Variants in GPHN observed in about 807,000 individuals in gnomAD.
The protein encoded by GPHN is gephyrin.
Under a neutral mutation model 95.5 loss-of-function variants are expected in GPHN, and 17 were observed. The observed-to-expected ratio is 0.18, with a 90% CI of 0.12 to 0.27. The LOEUF (loss-of-function observed/expected upper bound fraction) is 0.27, where lower values mean the gene tolerates loss of function less well. Ranked by LOEUF, GPHN falls within the 10% of genes least tolerant of loss-of-function variation. The pLI is 1.00. For missense variants in GPHN, 660 were observed against 978.1 expected, an observed-to-expected ratio of 0.67 and a Z score of 4.34; for synonymous variants, 320 against 322.5, an observed-to-expected ratio of 0.99 and a Z score of 0.08.
chr14:67,325,051 C>T, the GPHN span, among the ~76,000 whole-genome samples: 4 of 151,584 alleles, frequency 2.6e-5, no homozygotes, highest in Non-Finnish European at 4.4e-5. Context: ...ACTACAGGTG[C>T]CCACCATCAT....
intron 8 of GPHN, among the ~76,000 whole-genome samples, chr14:66,961,567 A>G (rs1385094480): frequency 6.6e-6 from 1 of 151,810 alleles, no homozygotes; most frequent in Non-Finnish European, 1.5e-5. Flanking sequence ...CAATTTAATA[A>G]GAAAAGAACA....
At chr14:67,474,350 G>C in the GPHN span, among the ~76,000 whole-genome samples, 8 of 152,078 alleles carry the variant, frequency 5.3e-5, no homozygotes. Flanking sequence ...CTTAGAGGGA[G>C]GTGTCTGTAC....
intron 2 of GPHN, among the ~76,000 whole-genome samples, chr14:66,753,429 AAAT>A (rs1156498350): frequency 6.6e-6 from 1 of 152,060 alleles, no homozygotes; most frequent in Non-Finnish European, 1.5e-5. Flanking sequence ...GATTTAGGAT[AAAT>A]AATAAGTTAT....
the GPHN span, chr14:67,620,905 A>C: frequency 6.2e-7 from 1 of 1,614,150 alleles, no homozygotes; most frequent in Non-Finnish European, 8.5e-7. Context: ...AAAGAAAAGG[A>C]GTGGAGCATG....
chr14:66,558,257 A>G (rs2060087722), intron 1 of GPHN, among the ~76,000 whole-genome samples: 1 of 152,120 alleles, frequency 6.6e-6, no homozygotes, highest in African/African-American at 2.4e-5. Context: ...TAGCATCATG[A>G]TAGTATATAC....
chr14:67,724,354 C>A, the GPHN span: 2 of 804,750 alleles, frequency 2.5e-6, no homozygotes, highest in Non-Finnish European at 4.3e-6. Context: ...AGTCTCCTGA[C>A]TGCAACTTAA....
chr14:66,837,821 T>G (rs748790340), intron 4 of GPHN, among the ~76,000 whole-genome samples: 1 of 151,842 alleles, frequency 6.6e-6, no homozygotes, highest in African/African-American at 2.4e-5. Flanking sequence ...CAATTTCCTT[T>G]AAATATATAT....
intron 5 of GPHN, among the ~76,000 whole-genome samples, chr14:66,912,320 G>A (rs1048019692): frequency 5.9e-5 from 9 of 152,022 alleles, no homozygotes; most frequent in African/African-American, 1.7e-4. Context: ...TCAGGCAGAA[G>A]CTTAGATTTT....
the GPHN span, among the ~76,000 whole-genome samples, chr14:67,435,479 A>C: frequency 6.6e-6 from 1 of 152,256 alleles, no homozygotes; most frequent in African/African-American, 2.4e-5. Context: ...GCAGGCAGCA[A>C]CAGCCCCTGT....
the GPHN span, chr14:67,690,581 G>A: frequency 1.6e-6 from 1 of 633,682 alleles, no homozygotes; most frequent in Non-Finnish European, 2.7e-6. Context: ...TGAAGGTTTA[G>A]GGAAATAACA....
At chr14:66,872,892 A>G in intron 4 of GPHN, among the ~76,000 whole-genome samples, 1 of 144,550 alleles carries the variant, frequency 6.9e-6, no homozygotes. Flanking sequence ...CTTTGTCCCA[A>G]AAAAAAAAAA....
At chr14:66,926,981 T>C (rs2066514916) in intron 8 of GPHN, among the ~76,000 whole-genome samples, 2 of 152,300 alleles carry the variant, frequency 1.3e-5, no homozygotes, top group East Asian at 3.9e-4. Flanking sequence ...TTTATTCCTA[T>C]GTGTTTTCTT....
At chr14:67,530,039 C>T in the GPHN span, among the ~76,000 whole-genome samples, 1 of 152,108 alleles carries the variant, frequency 6.6e-6, no homozygotes. Flanking sequence ...CTAGAAGGCT[C>T]GTACAAGGGA....
chr14:67,417,206 A>G, the GPHN span, among the ~76,000 whole-genome samples: 1 of 152,214 alleles, frequency 6.6e-6, no homozygotes, highest in Non-Finnish European at 1.5e-5. Flanking sequence ...TACTGATGGC[A>G]AGTTACTTAT....
intron 8 of GPHN, among the ~76,000 whole-genome samples, chr14:66,926,581 G>T (rs1425391145): frequency 6.6e-6 from 1 of 152,076 alleles, no homozygotes; most frequent in Non-Finnish European, 1.5e-5. Flanking sequence ...TTTGTTTCTA[G>T]GTTCTCTATT....
chr14:67,283,697 C>T, the GPHN span, among the ~76,000 whole-genome samples: 1 of 148,444 alleles, frequency 6.7e-6, no homozygotes, highest in Non-Finnish European at 1.5e-5. Context: ...GTGATTTAGT[C>T]AGGTTGCTAA....
chr14:67,599,766 T>G, the GPHN span, among the ~76,000 whole-genome samples: 1 of 152,168 alleles, frequency 6.6e-6, no homozygotes, highest in Admixed American at 6.5e-5. Flanking sequence ...GAACTAGATG[T>G]ATGCTGAGTG....
At chr14:66,956,653 TC>T (rs2068526498) in intron 8 of GPHN, among the ~76,000 whole-genome samples, 1 of 152,066 alleles carries the variant, frequency 6.6e-6, no homozygotes, top group African/African-American at 2.4e-5. Flanking sequence ...GAGCATTTTT[TC>T]ATGTGTTTTT....
intron 2 of GPHN, among the ~76,000 whole-genome samples, chr14:66,703,264 C>G (rs999436768): frequency 6.6e-6 from 1 of 152,148 alleles, no homozygotes; most frequent in African/African-American, 2.4e-5. Flanking sequence ...CTTAACAAGA[C>G]AGGCCAACAT....
Sources: allele counts gnomAD v4.1 joint callset (sites outside exome capture counted in the v4.1 genomes callset), GRCh38; gene constraint gnomAD v4.1.1; transcripts MANE v1.5; gene names NCBI Gene and HGNC (gene_info 2026-07-23, HGNC 2026-07-21).